S100A8: variants seen among roughly 807,000 people sequenced by gnomAD.
S100A8 encodes the protein protein S100-A8.
S100A8 carries 1 observed loss-of-function variant against 4.2 expected under a neutral mutation model. That is an observed-to-expected ratio of 0.24 (90% CI 0.08 to 1.12). The LOEUF (loss-of-function observed/expected upper bound fraction) is 1.12. Among genes scored for constraint, S100A8 ranks in the 50% most tolerant of loss-of-function variants. The probability of loss-of-function intolerance (pLI) is 0.53; values close to 1 mark genes in which losing one functional copy is unlikely to be tolerated. For synonymous variants in S100A8, 41 were observed against 44.7 expected (o/e 0.92, Z 0.33); for missense variants, 96 against 111.8 (o/e 0.86, Z 0.64).
At chr1:153,418,894 TAAC>T in the S100A8 span, among the ~76,000 whole-genome samples, 1 of 152,142 alleles carries the variant, frequency 6.6e-6, no homozygotes, top group African/African-American at 2.4e-5. Context: ...CAAGGTCACT[TAAC>T]AGAGTGCCTC....
At position 153,390,571 on chromosome 1, in the gene S100A8, C is replaced by T. The variant is rs74115415; in HGVS notation, c.-22-14G>A. On this transcript the variant is annotated splice_polypyrimidine_tract_variant and intron_variant, in intron 1 of 2. Coordinates refer to ENST00000368733, the MANE Select transcript of S100A8 (RefSeq NM_002964.5). Reference sequence around the variant, plus strand: ...GACTTGCCCCACCTGAAAAACAGAACCTTCTGGGGAATCCCATGGCAGGGA... The same window carrying T: ...GACTTGCCCCACCTGAAAAACAGAATCTTCTGGGGAATCCCATGGCAGGGA... 7,077 of 1,612,848 alleles carry T rather than the reference C, an allele frequency of 4.4e-3. 255 individuals are homozygous for T. In the African/African-American group the frequency reaches 0.079, roughly 18 times the overall value.
chr1:153,397,438 C>T, the S100A8 span, among the ~76,000 whole-genome samples: 1 of 152,284 alleles, frequency 6.6e-6, no homozygotes, highest in East Asian at 1.9e-4. Context: ...CAGGTTGTTC[C>T]GAGGCAGGCG....
the S100A8 span, among the ~76,000 whole-genome samples, chr1:153,416,836 T>A: frequency 6.6e-6 from 1 of 152,244 alleles, no homozygotes; most frequent in Non-Finnish European, 1.5e-5. Flanking sequence ...CACAGGACCC[T>A]CCCTTTCCTT....
At chr1:153,400,660 T>C in the S100A8 span, among the ~76,000 whole-genome samples, 2 of 152,222 alleles carry the variant, frequency 1.3e-5, no homozygotes, top group African/African-American at 4.8e-5. Context: ...GGTTCATCAA[T>C]ACACTTTCCT....
upstream of S100A8, among the ~76,000 whole-genome samples, chr1:153,393,673 G>C (rs1477481007): frequency 6.6e-6 from 1 of 152,130 alleles, no homozygotes; most frequent in Non-Finnish European, 1.5e-5. Context: ...ATCCACCCTT[G>C]GTTAATACCT....
At chr1:153,405,886 C>A in the S100A8 span, among the ~76,000 whole-genome samples, 1 of 152,136 alleles carries the variant, frequency 6.6e-6, no homozygotes, top group Non-Finnish European at 1.5e-5. Flanking sequence ...CACAGCAGAA[C>A]TGAGTCCTAA....
intron 1 of S100A8, 42 bp from the exon 2 acceptor site, chr1:153,390,599 T>C (rs184072177): frequency 6.2e-7 from 1 of 1,606,010 alleles, no homozygotes; most frequent in Non-Finnish European, 8.5e-7. Flanking sequence ...GGCAGGGAAT[T>C]TGCATCTGGC....
At chr1:153,418,785 A>G in the S100A8 span, among the ~76,000 whole-genome samples, 1 of 152,176 alleles carries the variant, frequency 6.6e-6, no homozygotes, top group Non-Finnish European at 1.5e-5. Flanking sequence ...ACAAAGCATG[A>G]GGGCCAATTT....
the S100A8 span, among the ~76,000 whole-genome samples, chr1:153,405,864 G>C: frequency 6.6e-6 from 1 of 152,108 alleles, no homozygotes; most frequent in South Asian, 2.1e-4. Context: ...TCATCCTCCA[G>C]TGTGGATGGC....
intron 1 of S100A8, 98 bp from the exon 2 acceptor site, chr1:153,390,655 C>T (rs1350022202): frequency 7.0e-7 from 1 of 1,431,896 alleles, no homozygotes; most frequent in African/African-American, 1.4e-5. Flanking sequence ...TGGCCTTGTC[C>T]TGGCCTGCAC....
chr1:153,411,065 G>A, the S100A8 span, among the ~76,000 whole-genome samples: 11 of 152,278 alleles, frequency 7.2e-5, no homozygotes, highest in African/African-American at 2.2e-4. Context: ...TTTGAAAACT[G>A]GTGCAAGACA....
upstream of S100A8, among the ~76,000 whole-genome samples, chr1:153,394,978 T>C (rs1183561646): frequency 1.3e-5 from 2 of 152,158 alleles, no homozygotes; most frequent in Non-Finnish European, 2.9e-5. Context: ...TAAAGTGGGC[T>C]CTGGCATTTC....
At chr1:153,391,293 A>G (rs550809542), upstream of S100A8, 6 of 745,106 alleles carry the variant, frequency 8.1e-6, no homozygotes, top group Middle Eastern at 6.7e-4. Flanking sequence ...GCCCAGAAGG[A>G]AAAAGCAGGT....
At chr1:153,417,879 C>G in the S100A8 span, 1 of 653,998 alleles carries the variant, frequency 1.5e-6, no homozygotes, top group East Asian at 3.0e-5. Flanking sequence ...CAGGATGGGC[C>G]GGGTCTCAGA....
the S100A8 span, among the ~76,000 whole-genome samples, chr1:153,403,566 C>G: frequency 6.6e-6 from 1 of 152,096 alleles, no homozygotes; most frequent in Non-Finnish European, 1.5e-5. Context: ...TCACATTAAC[C>G]CCCTCCCCAC....
chr1:153,418,249 G>A, the S100A8 span: 2 of 1,613,584 alleles, frequency 1.2e-6, no homozygotes, highest in Non-Finnish European at 1.7e-6. Context: ...GCTTCTCAAT[G>A]TTGGTTGGAC....
At chr1:153,415,493 C>T in the S100A8 span, among the ~76,000 whole-genome samples, 1,025 of 152,234 alleles carry the variant, frequency 6.7e-3, 14 homozygotes, top group African/African-American at 0.023. Flanking sequence ...CCTCACCATG[C>T]CCCAGGGACT....
the S100A8 span, among the ~76,000 whole-genome samples, chr1:153,400,341 G>A: frequency 1.3e-5 from 2 of 152,094 alleles, no homozygotes; most frequent in African/African-American, 2.4e-5. Context: ...GATGCTACCT[G>A]GGCCCCTGAG....
the S100A8 span, among the ~76,000 whole-genome samples, chr1:153,407,866 T>A: frequency 6.6e-6 from 1 of 152,134 alleles, no homozygotes. Flanking sequence ...GGGTCTGGAG[T>A]GGACCTCCAG....
Sources: gnomAD v4.1 joint callset for allele counts (sites outside exome capture counted in the v4.1 genomes callset) on GRCh38, gnomAD v4.1.1 for gene constraint, MANE v1.5 for transcripts, NCBI Gene and HGNC (gene_info 2026-07-23, HGNC 2026-07-21) for gene names.